Variants in SIDT1 observed in about 807,000 individuals in gnomAD.
The protein encoded by SIDT1 is SID1 transmembrane family member 1.
Under a neutral mutation model 107.5 loss-of-function variants are expected in SIDT1, and 101 were observed. The observed-to-expected ratio is 0.94, with a 90% CI of 0.80 to 1.11. The LOEUF is 1.11. SIDT1 is among the 50% of genes least tolerant of loss of function. The pLI, the probability that SIDT1 is intolerant of heterozygous loss-of-function variation, is 0.00. For missense variants in SIDT1, 1,076 were observed against 1,058.2 expected, an observed-to-expected ratio of 1.02 and a Z score of -0.23; for synonymous variants, 395 against 398.2, an observed-to-expected ratio of 0.99 and a Z score of 0.10.
intron 3 of SIDT1, among the ~76,000 whole-genome samples, chr3:113,568,694 T>C (rs992176191): frequency 7.9e-5 from 12 of 152,160 alleles, no homozygotes; most frequent in African/African-American, 2.7e-4. Flanking sequence ...TGCTATAATT[T>C]GAAAGGCCTA....
At chr3:113,565,548 G>A (rs1267218276) in intron 1 of SIDT1, among the ~76,000 whole-genome samples, 1 of 152,096 alleles carries the variant, frequency 6.6e-6, no homozygotes, top group African/African-American at 2.4e-5. Context: ...AAAAGAGAGA[G>A]AGGAAGAAAA....
intron 1 of SIDT1, among the ~76,000 whole-genome samples, chr3:113,539,329 A>G (rs2107581321): frequency 6.6e-6 from 1 of 152,260 alleles, no homozygotes; most frequent in Middle Eastern, 3.4e-3. Context: ...TTGGCTCCTG[A>G]ATTCTTCTGG....
Position 113,608,507 on chromosome 3 carries a change from T to G in SIDT1, c.1691T>G (p.Val564Gly), listed in dbSNP as rs1945505890. The change falls in exon 17 of 25, where the codon GTC becomes GGC. Residue 564 changes from valine to glycine, a missense_variant. Coordinates refer to ENST00000264852, the MANE Select transcript of SIDT1 (RefSeq NM_017699.3). ...MEGVLSACYH[V>G]CPNYSNFQFD... ...GGGGTGCTCAGTGCTTGCTACCATG[T>G]CTGCCCTAATTATTCCAACTTCCAA... The G allele has an allele frequency of 1.2e-6, 2 of 1,613,166 alleles. No homozygotes were observed. Among genetic ancestry groups the G allele is most frequent in the Non-Finnish European group, 1.7e-6 (2 of 1,179,046 alleles).
chr3:113,533,977 T>C (rs1460034807), intron 1 of SIDT1, among the ~76,000 whole-genome samples: 1 of 152,200 alleles, frequency 6.6e-6, no homozygotes, highest in Non-Finnish European at 1.5e-5. Flanking sequence ...CCCTTTGACA[T>C]ATATACTCCG....
intron 1 of SIDT1, among the ~76,000 whole-genome samples, chr3:113,535,242 C>T (rs1937988435): frequency 6.6e-6 from 1 of 152,054 alleles, no homozygotes; most frequent in African/African-American, 2.4e-5. Context: ...CCACTGTACT[C>T]CCACTGGGGA....
At chr3:113,542,657 C>G (rs1433273334) in intron 1 of SIDT1, among the ~76,000 whole-genome samples, 2 of 152,066 alleles carry the variant, frequency 1.3e-5, no homozygotes, top group Non-Finnish European at 2.9e-5. Flanking sequence ...GTATTTCTTA[C>G]CTTTAGAAGG....
intron 3 of SIDT1, among the ~76,000 whole-genome samples, chr3:113,573,641 G>T (rs903072528): frequency 6.6e-6 from 1 of 152,138 alleles, no homozygotes; most frequent in Admixed American, 6.5e-5. Context: ...AGATGATTAG[G>T]TCGTGAGAGT....
chr3:113,625,928 T>C, intron 23 of SIDT1, 174 bp from the exon 24 acceptor site: 1 of 574,344 alleles, frequency 1.7e-6, no homozygotes, highest in Non-Finnish European at 3.1e-6. Flanking sequence ...TTGCTTTGGT[T>C]GCCTGTGCTT....
chr3:113,552,849 C>T lies in SIDT1; in HGVS notation c.223-13571C>T, dbSNP rs1222383267. Among the ~76,000 whole-genome samples the T allele has an allele frequency of 3.9e-5, 6 of 152,330 alleles. No homozygotes were observed. The South Asian group carries it at 1.2e-3, about 32-fold the overall frequency. On this transcript the variant is annotated intron_variant, in intron 1 of 24. Transcript: ENST00000264852. ...CCTTTGACATCCATGGGCAGCCTTG[C>T]TTCCCGCAAAATTCACACAGTGGGT... is the stretch of plus-strand genomic sequence containing the variant.
In SIDT1 at chr3:113,611,099, C is replaced by T. The variant is rs368027851; in HGVS notation, c.1812C>T (p.Ala604=). The T allele has an allele frequency of 6.2e-7, 1 of 1,614,152 alleles. No individual in the cohort carries two copies. The change falls in exon 18 of 25, where the codon GCC becomes GCT. Residue 604 remains alanine, a synonymous_variant. Coordinates refer to ENST00000264852, the MANE Select transcript of SIDT1 (RefSeq NM_017699.3). The part of the protein sequence containing the change: ...HPDINASAYS[A]YASFAVVIMV... ...ACATCAATGCCAGCGCCTACTCTGCCTATGCCTCCTTTGCTGTGGTCATCA... is the reference window on the plus strand; with the variant it reads ...ACATCAATGCCAGCGCCTACTCTGCTTATGCCTCCTTTGCTGTGGTCATCA...
intron 4 of SIDT1, among the ~76,000 whole-genome samples, chr3:113,579,723 A>T (rs534611184): frequency 5.3e-5 from 8 of 152,336 alleles, no homozygotes; most frequent in Non-Finnish European, 5.9e-5. Flanking sequence ...CTCTCTGTAC[A>T]TGATAGATTT....
At chr3:113,537,875 C>T (rs1426607617) in intron 1 of SIDT1, among the ~76,000 whole-genome samples, 1 of 152,204 alleles carries the variant, frequency 6.6e-6, no homozygotes, top group African/African-American at 2.4e-5. Flanking sequence ...CTCTGCCTCC[C>T]AGGTTCAAGT....
At chr3:113,536,598 C>T (rs1938200461) in intron 1 of SIDT1, among the ~76,000 whole-genome samples, 1 of 152,346 alleles carries the variant, frequency 6.6e-6, no homozygotes, top group South Asian at 2.1e-4. Flanking sequence ...TGCTCCTAAT[C>T]TTTCCTGTCA....
intron 10 of SIDT1, among the ~76,000 whole-genome samples, chr3:113,600,420 C>T (rs904222147): frequency 1.1e-4 from 16 of 151,884 alleles, no homozygotes; most frequent in African/African-American, 2.9e-4. Flanking sequence ...CATGATCTCT[C>T]AGCATCTCCC....
At chr3:113,566,135 G>A (rs1349770763) in intron 1 of SIDT1, among the ~76,000 whole-genome samples, 2 of 152,102 alleles carry the variant, frequency 1.3e-5, no homozygotes, top group African/African-American at 4.8e-5. Context: ...CAGAATTTTG[G>A]CAGGTTGGAT....
At chr3:113,567,191 A>G (rs1321101282) in intron 2 of SIDT1, among the ~76,000 whole-genome samples, 2 of 152,222 alleles carry the variant, frequency 1.3e-5, no homozygotes, top group Non-Finnish European at 2.9e-5. Context: ...AGTAGCTTGA[A>G]GAGATGAAAA....
chr3:113,609,689 G>A (rs1365135620), intron 17 of SIDT1, among the ~76,000 whole-genome samples: 2 of 152,106 alleles, frequency 1.3e-5, no homozygotes, highest in Non-Finnish European at 2.9e-5. Flanking sequence ...TCTGGCTTCT[G>A]GTGTTAACTC....
intron 19 of SIDT1, among the ~76,000 whole-genome samples, chr3:113,614,216 C>A (rs1394410749): frequency 6.6e-6 from 1 of 152,226 alleles, no homozygotes; most frequent in African/African-American, 2.4e-5. Context: ...TGAGCTCACT[C>A]TCCTTCCTTT....
rs930952972 is a variant in SIDT1, at chr3:113,628,116, T to G, written c.*408T>G. The stretch of plus-strand genomic sequence containing the variant: ...CCCAGAAAGGCCAGCAGCTTGGACT[T>G]CCTGCCCAGAAACTGTGTTGGCCCC... On this transcript the variant is annotated 3_prime_UTR_variant, in exon 25 of 25. Coordinates refer to ENST00000264852, the MANE Select transcript of SIDT1 (RefSeq NM_017699.3). 5.5e-6 allele frequency: 1 copy of G among 182,614 alleles called. No individual in the cohort carries two copies. The highest frequency in any genetic ancestry group is 2.4e-5 in the African/African-American group (1 of 42,342). 11.3% of individuals were successfully genotyped at this position (182,614 alleles called of 1,614,324 possible).
Sources: allele counts gnomAD v4.1 joint callset (sites outside exome capture counted in the v4.1 genomes callset), GRCh38; gene constraint gnomAD v4.1.1; transcripts MANE v1.5; gene names NCBI Gene and HGNC (gene_info 2026-07-23, HGNC 2026-07-21).